Variants in HIP1 observed in about 807,000 individuals in gnomAD.
The protein encoded by HIP1 is huntingtin-interacting protein 1.
HIP1 carries 65 observed loss-of-function variants against 147.6 expected under a neutral mutation model. The observed-to-expected ratio is 0.44, with a 90% CI of 0.36 to 0.54. The LOEUF is 0.54. Among genes scored for constraint, HIP1 ranks in the 20% least tolerant of loss-of-function variants. The pLI is 0.00. For missense variants in HIP1, 1,061 were observed against 1,299.6 expected, an observed-to-expected ratio of 0.82 and a Z score of 2.82; for synonymous variants, 479 against 504.0, an observed-to-expected ratio of 0.95 and a Z score of 0.67.
intron 1 of HIP1, among the ~76,000 whole-genome samples, chr7:75,698,637 G>A (rs1327303205): frequency 2.6e-5 from 4 of 151,972 alleles, no homozygotes. Flanking sequence ...GGGCAACATA[G>A]CAAGACCCCA....
chr7:75,551,655 G>C (rs1380807559), intron 22 of HIP1, among the ~76,000 whole-genome samples: 2 of 151,776 alleles, frequency 1.3e-5, no homozygotes, highest in Non-Finnish European at 2.9e-5. Context: ...CTGCAGTCTT[G>C]AGCTCCCAGG....
chr7:75,541,565 G>T (rs1200152359), intron 29 of HIP1, among the ~76,000 whole-genome samples: 1 of 150,934 alleles, frequency 6.6e-6, no homozygotes, highest in Non-Finnish European at 1.5e-5. Flanking sequence ...GTGTGGTGAC[G>T]CACGTCTGTA....
chr7:75,655,319 C>T (rs1554512475), intron 1 of HIP1, among the ~76,000 whole-genome samples: 1 of 152,190 alleles, frequency 6.6e-6, no homozygotes, highest in African/African-American at 2.4e-5. Flanking sequence ...TGGCTCACGC[C>T]TGTAATCCCA....
At chr7:75,642,995 C>T (rs1051586823) in intron 1 of HIP1, among the ~76,000 whole-genome samples, 23 of 152,196 alleles carry the variant, frequency 1.5e-4, no homozygotes, top group African/African-American at 5.1e-4. Flanking sequence ...AAGCACACAA[C>T]AGGCCTAGAA....
At chr7:75,659,623 T>C (rs1799244633) in intron 1 of HIP1, among the ~76,000 whole-genome samples, 1 of 151,706 alleles carries the variant, frequency 6.6e-6, no homozygotes, top group Non-Finnish European at 1.5e-5. Context: ...GACTCCAGCC[T>C]GGGTGACAGA....
At position 75,559,106 on chromosome 7, in the gene HIP1, A is replaced by G. The variant is rs11980830; in HGVS notation, c.1375+626T>C. 7.9e-3 allele frequency among the ~76,000 whole-genome samples: 1,199 copies of G among 152,252 alleles called. 25 individuals carry two copies. The highest frequency in any genetic ancestry group is 0.027 in the African/African-American group (1,135 of 41,554). ...TGGCATTTATTCTATGGGGGCTTTC[A>G]GCTTTTTAACAAATTTATTTGAAAT... On this transcript the variant is annotated intron_variant, in intron 14 of 30. Coordinates refer to ENST00000336926, the MANE Select transcript of HIP1 (RefSeq NM_005338.7).
chr7:75,664,142 A>G lies in HIP1; in HGVS notation c.121-64895T>C, dbSNP rs781832639. Among the ~76,000 whole-genome samples the G allele has an allele frequency of 8.8e-5, 4 of 45,248 alleles. 1 individual carries two copies. The highest frequency in any genetic ancestry group is 7.5e-4 in the Admixed American group (3 of 3,974). The allele number at this position is 45,248 out of a possible 152,430, so 29.7% of individuals were successfully genotyped here. ...TATATGCACACACATGTGTGTACAT[A>G]CATACATGTATGTGTGTATATTTAC... is the stretch of plus-strand genomic sequence containing the variant. On this transcript the variant is annotated intron_variant, in intron 1 of 30. Transcript: ENST00000336926.
chr7:75,656,308 A>C (rs1799137856), intron 1 of HIP1, among the ~76,000 whole-genome samples: 1 of 151,990 alleles, frequency 6.6e-6, no homozygotes, highest in Non-Finnish European at 1.5e-5. Context: ...GTGGCATTTC[A>C]AATTAGTAGG....
rs1468777029 is a variant in HIP1, at chr7:75,535,018, AAG to A, written c.*3152_*3153del. Reference sequence around the variant, plus strand: ...AATAGCTCTTCATCTTCATTTTTAGAAGAGTCACAATAGGACAATTTGATTTT... The same window carrying A: ...AATAGCTCTTCATCTTCATTTTTAGAAGTCACAATAGGACAATTTGATTTT... On this transcript the variant is annotated 3_prime_UTR_variant, in exon 31 of 31. Transcript: ENST00000336926. 2.9e-5 allele frequency: 6 copies of A among 208,446 alleles called. No individual in the cohort carries two copies. Among genetic ancestry groups the A allele is most frequent in the African/African-American group, 1.4e-4 (6 of 43,970 alleles). The allele number at this position is 208,446 out of a possible 1,614,324, so 12.9% of individuals were successfully genotyped here. A position where few individuals can be genotyped will look rare whatever the true frequency, so the allele number is the denominator to read the frequency against.
chr7:75,543,947 T>C (rs1489677377), intron 27 of HIP1, among the ~76,000 whole-genome samples: 3 of 151,958 alleles, frequency 2.0e-5, no homozygotes, highest in Non-Finnish European at 4.4e-5. Flanking sequence ...CTGAGGTGGG[T>C]GGATCACAAG....
intron 1 of HIP1, among the ~76,000 whole-genome samples, chr7:75,601,981 T>C (rs935599609): frequency 7.3e-5 from 11 of 151,688 alleles, no homozygotes; most frequent in Non-Finnish European, 1.3e-4. Flanking sequence ...TAGGAATCTA[T>C]CCTTTGGAAA....
rs1554488481 is a variant in HIP1, at chr7:75,535,790, C to G, written c.*2382G>C. On this transcript the variant is annotated 3_prime_UTR_variant, in exon 31 of 31. Coordinates refer to ENST00000336926, the MANE Select transcript of HIP1 (RefSeq NM_005338.7). ...ACAATGGCGTGATCTCAGCTCACTGCAACCTCTGCCTCTGGGGTTCAGGTG... is the reference window on the plus strand; with the variant it reads ...ACAATGGCGTGATCTCAGCTCACTGGAACCTCTGCCTCTGGGGTTCAGGTG... 1 of 170,800 alleles carries G rather than the reference C, an allele frequency of 5.9e-6. No individual in the cohort carries two copies. The highest frequency in any genetic ancestry group is 2.4e-5 in the African/African-American group (1 of 41,960). 10.6% of individuals were successfully genotyped at this position (170,800 alleles called of 1,614,324 possible). A position where few individuals can be genotyped will look rare whatever the true frequency, so the allele number is the denominator to read the frequency against.
At chr7:75,736,288 C>G (rs1554523656) in intron 1 of HIP1, among the ~76,000 whole-genome samples, 1 of 152,008 alleles carries the variant, frequency 6.6e-6, no homozygotes, top group Non-Finnish European at 1.5e-5. Context: ...TTTCACAAAC[C>G]TAATTTCTAT....
At chr7:75,716,855 C>G (rs1419355733) in intron 1 of HIP1, among the ~76,000 whole-genome samples, 2 of 151,530 alleles carry the variant, frequency 1.3e-5, no homozygotes, top group Non-Finnish European at 2.9e-5. Context: ...CACTCTGTCA[C>G]TCAGTCTGGA....
In HIP1 at chr7:75,642,798, T is replaced by C. The variant is rs561310656; in HGVS notation, c.121-43551A>G. ...GTCCCTTGGGAGTCCCTTCCCACAA[T>C]GGACAGCCTTGAGCACAGCCTGCAT... On this transcript the variant is annotated intron_variant, in intron 1 of 30. Transcript: ENST00000336926. 2.6e-5 allele frequency among the ~76,000 whole-genome samples: 4 copies of C among 152,306 alleles called. No homozygotes were observed. The East Asian group carries it at 5.8e-4, about 22-fold the overall frequency.
intron 1 of HIP1, chr7:75,654,418 T>G (rs1799085336): frequency 1.3e-5 from 2 of 152,160 alleles, no homozygotes; most frequent in African/African-American, 4.8e-5. Flanking sequence ...AGAACTAATG[T>G]CACATGTCTG....
chr7:75,558,367 T>C, intron 14 of HIP1, 112 bp from the exon 15 acceptor site: 2 of 826,076 alleles, frequency 2.4e-6, no homozygotes, highest in East Asian at 2.5e-5. Flanking sequence ...GAGACAGTCT[T>C]GCTCTGTCAC....
chr7:75,666,389 C>G (rs1220511369), intron 1 of HIP1, among the ~76,000 whole-genome samples: 2 of 152,090 alleles, frequency 1.3e-5, no homozygotes, highest in Non-Finnish European at 2.9e-5. Flanking sequence ...AGGCTGGTCT[C>G]AAACTACTGA....
At position 75,573,920 on chromosome 7, in the gene HIP1, G is replaced by A. The variant is rs375807423; in HGVS notation, c.605-19C>T. 2.5e-6 allele frequency: 4 copies of A among 1,603,238 alleles called. No homozygotes were observed. The highest frequency in any genetic ancestry group is 3.4e-6 in the Non-Finnish European group (4 of 1,171,556). On this transcript the variant is annotated intron_variant, in intron 7 of 30. Transcript: ENST00000336926. ...TTGAATACTAGGAAATAAAAGTGAG[G>A]GAGAAAGGTGGTAGAGCCAGGGGAT...
Sources: gnomAD v4.1 joint callset for allele counts (sites outside exome capture counted in the v4.1 genomes callset) on GRCh38, gnomAD v4.1.1 for gene constraint, MANE v1.5 for transcripts, NCBI Gene and HGNC (gene_info 2026-07-23, HGNC 2026-07-21) for gene names.